Variants in NOL4L observed in about 807,000 individuals in gnomAD.
The protein encoded by NOL4L is nucleolar protein 4-like.
A neutral mutation model predicts 64.5 loss-of-function variants in NOL4L; 7 were observed. The observed-to-expected ratio is 0.11, with a 90% CI of 0.06 to 0.20. The LOEUF is 0.20. Among genes scored for constraint, NOL4L ranks in the 10% least tolerant of loss-of-function variants. The probability of loss-of-function intolerance (pLI) is 1.00; values close to 1 mark genes in which losing one functional copy is unlikely to be tolerated. For missense variants in NOL4L, 680 were observed against 967.1 expected, an observed-to-expected ratio of 0.70 and a Z score of 3.94; for synonymous variants, 413 against 401.0, an observed-to-expected ratio of 1.03 and a Z score of -0.36.
At chr20:32,556,003 T>A (rs1978623980) in intron 1 of NOL4L, among the ~76,000 whole-genome samples, 1 of 152,180 alleles carries the variant, frequency 6.6e-6, no homozygotes, top group Non-Finnish European at 1.5e-5. Context: ...ATTTCTGTGA[T>A]CATTTGGTTA....
At chr20:32,546,281 GCTCGTTA>G (rs2018732821) in intron 1 of NOL4L, among the ~76,000 whole-genome samples, 1 of 149,734 alleles carries the variant, frequency 6.7e-6, no homozygotes, top group South Asian at 2.1e-4. Context: ...ATGGAGTTTT[GCTCGTTA>G]CTCAGGCTGG....
intron 2 of NOL4L, 108 bp from the exon 3 acceptor site, chr20:32,521,030 G>C: frequency 1.7e-6 from 1 of 594,890 alleles, no homozygotes; most frequent in South Asian, 2.4e-5. Flanking sequence ...GCTCTTGCAA[G>C]GAAAGTCAGG....
At chr20:32,553,600 G>T (rs1287339543) in intron 1 of NOL4L, among the ~76,000 whole-genome samples, 4 of 152,142 alleles carry the variant, frequency 2.6e-5, no homozygotes, top group Non-Finnish European at 5.9e-5. Flanking sequence ...TACATTTAGG[G>T]TTCATGGTCT....
chr20:32,446,904 G>A lies in NOL4L; in HGVS notation c.*692C>T, dbSNP rs908159000. ...TGTGGGTGAGGTCCTCCTGCTTGGC[G>A]TTGCCTAGGGAGGTGCCTGGTGGTG... On this transcript the variant is annotated 3_prime_UTR_variant, in exon 11 of 11. Coordinates refer to ENST00000621426, the MANE Select transcript of NOL4L (RefSeq NM_001256798.2). The A allele has an allele frequency of 2.5e-5, 6 of 242,012 alleles. No individual in the cohort carries two copies. Among genetic ancestry groups the A allele is most frequent in the Admixed American group, 5.3e-5 (1 of 19,026 alleles). 15.0% of individuals were successfully genotyped at this position (242,012 alleles called of 1,614,324 possible).
chr20:32,518,007 T>C (rs1314037982), intron 3 of NOL4L, among the ~76,000 whole-genome samples: 1 of 152,186 alleles, frequency 6.6e-6, no homozygotes, highest in Non-Finnish European at 1.5e-5. Flanking sequence ...GTAACTGTCA[T>C]GATCAGGAAC....
At chr20:32,561,893 G>A (rs1010437583) in intron 1 of NOL4L, among the ~76,000 whole-genome samples, 4 of 152,174 alleles carry the variant, frequency 2.6e-5, no homozygotes, top group African/African-American at 9.7e-5. Context: ...GGAGGCTGAG[G>A]TGGGAGGATC....
chr20:32,483,101 C>A (rs2015843719), intron 4 of NOL4L, among the ~76,000 whole-genome samples: 1 of 149,376 alleles, frequency 6.7e-6, no homozygotes, highest in Non-Finnish European at 1.5e-5. Flanking sequence ...GTGCAGCCTT[C>A]ATCGCCCCCC....
rs1296367445 is a variant in NOL4L at position 32,573,669 on chromosome 20, C to G, written c.321+10901G>C. The stretch of plus-strand genomic sequence containing the variant: ...AGGCTCAGAGAGGGGAAGTAACTTA[C>G]CCAAGACTGCACAGCAGTAAGCGGC... On this transcript the variant is annotated intron_variant, in intron 1 of 10. Transcript: ENST00000621426. The G allele has an allele frequency of 2.9e-5, 6 of 209,122 alleles. No individual in the cohort carries two copies. In the East Asian group the frequency reaches 7.2e-4, roughly 25 times the overall value. 13.0% of individuals were successfully genotyped at this position (209,122 alleles called of 1,614,324 possible). A position where few individuals can be genotyped will look rare whatever the true frequency, so the allele number is the denominator to read the frequency against.
intron 5 of NOL4L, among the ~76,000 whole-genome samples, chr20:32,459,447 G>T (rs1387062658): frequency 6.7e-6 from 1 of 149,420 alleles, no homozygotes; most frequent in Non-Finnish European, 1.5e-5. Flanking sequence ...GCAATGGGGC[G>T]ATCTTGGCTT....
rs573212637 is a variant in NOL4L at position 32,457,338 on chromosome 20, G to C, written c.842-943C>G. Among the ~76,000 whole-genome samples, 41 of 152,304 alleles carry C rather than the reference G, an allele frequency of 2.7e-4. 1 individual carries two copies. Among genetic ancestry groups the C allele is most frequent in the African/African-American group, 9.6e-4 (40 of 41,570 alleles). On this transcript the variant is annotated intron_variant, in intron 5 of 10. Transcript: ENST00000621426. ...GGGTCACTGTCAGGTGAGCACCCGC[G>C]AGGGTCCCGGGGAGGTACGGGTGAC...
chr20:32,575,949 G>C (rs971961695), intron 1 of NOL4L, among the ~76,000 whole-genome samples: 19 of 152,220 alleles, frequency 1.2e-4, no homozygotes, highest in African/African-American at 3.6e-4. Context: ...CAAGCTAGAG[G>C]AAGGCCAGTG....
At chr20:32,509,964 T>C (rs2017321314) in intron 4 of NOL4L, 3 of 1,302,216 alleles carry the variant, frequency 2.3e-6, no homozygotes, top group South Asian at 2.5e-5. Context: ...AGGCCACAGA[T>C]TGCTCTTCAG....
chr20:32,465,758 G>A (rs2014489845), intron 5 of NOL4L, among the ~76,000 whole-genome samples: 1 of 152,230 alleles, frequency 6.6e-6, no homozygotes, highest in Admixed American at 6.5e-5. Flanking sequence ...GCAGTCCTTA[G>A]GTCGGAGTGA....
chr20:32,474,454 G>A (rs1431020587), intron 5 of NOL4L, 147 bp downstream of exon 5: 8 of 883,624 alleles, frequency 9.1e-6, no homozygotes, highest in Non-Finnish European at 1.1e-5. Context: ...AGAACACTGG[G>A]GGCAGTGCAA....
intron 1 of NOL4L, among the ~76,000 whole-genome samples, chr20:32,578,771 G>A (rs1349603953): frequency 6.6e-6 from 1 of 152,222 alleles, no homozygotes; most frequent in African/African-American, 2.4e-5. Context: ...CTTGCCCGTG[G>A]TCATGTGGGA....
intron 1 of NOL4L, among the ~76,000 whole-genome samples, chr20:32,577,082 CA>C (rs1212034509): frequency 1.3e-5 from 2 of 152,190 alleles, no homozygotes; most frequent in Admixed American, 6.5e-5. Flanking sequence ...TGTCTGGTAC[CA>C]AGTTCTCATC....
intron 1 of NOL4L, chr20:32,533,407 C>G (rs1416623575): frequency 6.6e-6 from 1 of 152,114 alleles, no homozygotes; most frequent in Non-Finnish European, 1.5e-5. Context: ...TTTAACAGGC[C>G]CCCCCAGATG....
At chr20:32,545,771 G>T (rs867092602) in intron 1 of NOL4L, among the ~76,000 whole-genome samples, 3 of 152,204 alleles carry the variant, frequency 2.0e-5, no homozygotes, top group Non-Finnish European at 4.4e-5. Flanking sequence ...GGGGCTGGAG[G>T]TGCAGGGAGA....
chr20:32,517,750 G>T (rs185866998), intron 3 of NOL4L, among the ~76,000 whole-genome samples: 4 of 152,226 alleles, frequency 2.6e-5, no homozygotes, highest in Non-Finnish European at 5.9e-5. Context: ...GCCACGACAC[G>T]GGCTGGAGGC....
Sources: allele counts gnomAD v4.1 joint callset (sites outside exome capture counted in the v4.1 genomes callset), GRCh38; gene constraint gnomAD v4.1.1; transcripts MANE v1.5; gene names NCBI Gene and HGNC (gene_info 2026-07-23, HGNC 2026-07-21).